AP2S1: variants seen among roughly 807,000 people sequenced by gnomAD.
The protein encoded by AP2S1 is AP-2 complex subunit sigma.
In AP2S1, 6 loss-of-function variants were observed where a neutral mutation model predicts 21.0. The observed-to-expected ratio is 0.29, with a 90% CI of 0.16 to 0.56. The LOEUF (loss-of-function observed/expected upper bound fraction) is 0.56, where lower values mean the gene tolerates loss of function less well. AP2S1 is among the 20% of genes least tolerant of loss of function. The probability of loss-of-function intolerance (pLI) is 0.92; values close to 1 mark genes in which losing one functional copy is unlikely to be tolerated. For synonymous variants in AP2S1, 63 were observed against 74.6 expected (o/e 0.84, Z 0.80); for missense variants, 60 against 186.2 (o/e 0.32, Z 3.95).
Position 46,850,758 on chromosome 19 carries a change from C to T in AP2S1, c.3+6G>A. ...GCCAGTCCCCGGCGTAGCGCTCCCC[C>T]GTTACCATGGCGACCCCCGTCCAGA... On this transcript the variant is annotated splice_donor_region_variant and intron_variant, in intron 1 of 4. Coordinates refer to ENST00000263270, the MANE Select transcript of AP2S1 (RefSeq NM_004069.6). The T allele has an allele frequency of 1.3e-6, 2 of 1,586,330 alleles. No individual in the cohort carries two copies.
intron 1 of AP2S1, 98 bp downstream of exon 1, chr19:46,850,666 C>T (rs2055722345): frequency 8.8e-7 from 1 of 1,140,912 alleles, no homozygotes; most frequent in Non-Finnish European, 1.3e-6. Flanking sequence ...CCAGACCATC[C>T]GCGGCAGAGA....
intron 3 of AP2S1, among the ~76,000 whole-genome samples, 179 bp downstream of exon 3, chr19:46,839,286 C>CAAAAAAAAAAAAAAAAAAAAAAAAAAAA (rs771792607): frequency 4.1e-5 from 3 of 72,924 alleles, no homozygotes; most frequent in African/African-American, 1.5e-4. Flanking sequence ...GACTCCGTCT[C>CAAAAAAAAAAAAAAAAAAAAAAAAAAAA]AAAAAAAAAA....
At chr19:46,846,181 C>G (rs376202379) in intron 1 of AP2S1, 39 bp from the exon 2 acceptor site, 80 of 1,611,230 alleles carry the variant, frequency 5.0e-5, no homozygotes, top group Non-Finnish European at 6.0e-5. Flanking sequence ...GTGAGAGAGG[C>G]AGAGAGGGCG....
chr19:46,841,613 T>C (rs989977531), intron 2 of AP2S1, among the ~76,000 whole-genome samples: 4 of 152,202 alleles, frequency 2.6e-5, no homozygotes, highest in East Asian at 3.9e-4. Context: ...TGTCTCCCCA[T>C]TGGACTGAGC....
chr19:46,839,839 T>G (rs1442881233), intron 2 of AP2S1, among the ~76,000 whole-genome samples: 2 of 98,846 alleles, frequency 2.0e-5, no homozygotes, highest in East Asian at 2.8e-4. Flanking sequence ...TCCTGGAGAG[T>G]CAGGAGGGCT....
intron 1 of AP2S1, among the ~76,000 whole-genome samples, chr19:46,847,606 C>T (rs969534126): frequency 4.6e-5 from 7 of 152,102 alleles, no homozygotes; most frequent in Non-Finnish European, 7.4e-5. Flanking sequence ...AGTCACTCTC[C>T]GTTCCCCCAG....
chr19:46,839,559 A>G lies in AP2S1; in HGVS notation c.173T>C (p.Ile58Thr). 6.2e-7 allele frequency: 1 copy of G among 1,614,138 alleles called. No homozygotes were observed. Among genetic ancestry groups the G allele is most frequent in the African/African-American group, 1.3e-5 (1 of 75,044 alleles). Residue 58 changes from isoleucine to threonine, a missense_variant, in exon 3 of 5, where the codon ATT becomes ACT. Transcript: ENST00000263270. ...NFVEFRNFKIIYRRYAGLYFC... is the reference protein window; with the variant it reads ...NFVEFRNFKITYRRYAGLYFC... Reference sequence around the variant, plus strand: ...GTAGAGGCCAGCATAGCGGCGGTAAATGATCTTAAAGTTCCGGAACTGCAG... The same window carrying G: ...GTAGAGGCCAGCATAGCGGCGGTAAGTGATCTTAAAGTTCCGGAACTGCAG...
intron 3 of AP2S1, 73 bp downstream of exon 3, chr19:46,839,392 G>A: frequency 1.3e-6 from 2 of 1,550,852 alleles, no homozygotes; most frequent in South Asian, 1.1e-5. Flanking sequence ...GACCAGGGAG[G>A]GTTCCCAGGC....
At chr19:46,839,286 C>CAAAAAAAAAAAAAAAAAAA (rs771792607) in intron 3 of AP2S1, among the ~76,000 whole-genome samples, 179 bp downstream of exon 3, 26 of 72,916 alleles carry the variant, frequency 3.6e-4, no homozygotes, top group Admixed American at 4.9e-4. Flanking sequence ...GACTCCGTCT[C>CAAAAAAAAAAAAAAAAAAA]AAAAAAAAAA....
chr19:46,839,694 T>G, intron 2 of AP2S1, 116 bp from the exon 3 acceptor site: 1 of 1,503,926 alleles, frequency 6.6e-7, no homozygotes, highest in Non-Finnish European at 8.9e-7. Context: ...CCCAGCTCTG[T>G]GCCTGGCCCT....
chr19:46,850,722 GC>G lies in AP2S1; in HGVS notation c.3+41del, dbSNP rs377188979. 4,343 of 1,498,042 alleles carry G rather than the reference GC, an allele frequency of 2.9e-3. 11 individuals carry two copies. The highest frequency in any genetic ancestry group is 9.6e-3 in the Middle Eastern group (56 of 5,852). 92.8% of individuals were successfully genotyped at this position (1,498,042 alleles called of 1,614,324 possible). A position where few individuals can be genotyped will look rare whatever the true frequency, so the allele number is the denominator to read the frequency against. On this transcript the variant is annotated intron_variant, in intron 1 of 4. Coordinates refer to ENST00000263270, the MANE Select transcript of AP2S1 (RefSeq NM_004069.6). ...TCCAGCCTCGGCTATTTACGCGTGG[GC>G]CCCCCCTCCGCCAGTCCCCGGCGTA...
At chr19:46,840,843 G>A (rs1000757455) in intron 2 of AP2S1, among the ~76,000 whole-genome samples, 1 of 149,606 alleles carries the variant, frequency 6.7e-6, no homozygotes, top group African/African-American at 2.5e-5. Context: ...TCAGTCTCCC[G>A]AGTAGCTGGG....
intron 1 of AP2S1, among the ~76,000 whole-genome samples, chr19:46,847,195 A>G (rs2122799327): frequency 6.6e-6 from 1 of 151,568 alleles, no homozygotes; most frequent in Middle Eastern, 3.4e-3. Flanking sequence ...TTTTTGGTAT[A>G]TTCACTTAGT....
chr19:46,844,388 G>A (rs1016986954), intron 2 of AP2S1, among the ~76,000 whole-genome samples: 3 of 152,140 alleles, frequency 2.0e-5, no homozygotes, highest in African/African-American at 2.4e-5. Flanking sequence ...TACACTTGCT[G>A]TTCCCTTGGC....
chr19:46,840,523 C>G (rs544508012), intron 2 of AP2S1, among the ~76,000 whole-genome samples: 6 of 151,698 alleles, frequency 4.0e-5, no homozygotes, highest in African/African-American at 1.5e-4. Context: ...ACCTGTGGTC[C>G]CAGCTACTCG....
chr19:46,847,363 C>T (rs948260651), intron 1 of AP2S1, among the ~76,000 whole-genome samples: 1 of 151,524 alleles, frequency 6.6e-6, no homozygotes, highest in East Asian at 2.0e-4. Context: ...ACCGCAGGTG[C>T]ACACCACCAC....
intron 3 of AP2S1, 140 bp downstream of exon 3, chr19:46,839,324 GA>G: frequency 5.5e-6 from 2 of 361,150 alleles, no homozygotes; most frequent in Non-Finnish European, 4.8e-6. Flanking sequence ...AAAAGAAAAA[GA>G]AAAAAAAGAA....
chr19:46,838,908 G>C lies in AP2S1; in HGVS notation c.268-109C>G. ...GAGACAGCAAAAAAAGAGACCAAGGGGGAGGCAGGGGAGAGAGAGAGACAG... is the reference window on the plus strand; with the variant it reads ...GAGACAGCAAAAAAAGAGACCAAGGCGGAGGCAGGGGAGAGAGAGAGACAG... On this transcript the variant is annotated intron_variant, in intron 3 of 4. Transcript: ENST00000263270. This position sits in a 1 kb window ranked among gnomAD's most constrained non-coding sequence, Gnocchi z 4.1. 1.1e-6 allele frequency: 1 copy of C among 896,366 alleles called. No individual in the cohort carries two copies. The highest frequency in any genetic ancestry group is 1.5e-5 in the South Asian group (1 of 65,410). The allele number at this position is 896,366 out of a possible 1,614,324, so 55.5% of individuals were successfully genotyped here.
intron 3 of AP2S1, 26 bp downstream of exon 3, chr19:46,839,439 C>CCCCCTAAAA: frequency 4.5e-6 from 7 of 1,569,696 alleles, no homozygotes; most frequent in Non-Finnish European, 6.1e-6. Context: ...CCCGCCTCCC[C>CCCCCTAAAA]ACCTTACATC....
Sources: gnomAD v4.1 joint callset for allele counts (sites outside exome capture counted in the v4.1 genomes callset) on GRCh38, gnomAD v4.1.1 for gene constraint, Gnocchi (gnomAD v3.1) non-coding constraint, MANE v1.5 for transcripts, NCBI Gene and HGNC (gene_info 2026-07-23, HGNC 2026-07-21) for gene names.